SORCS2: variants seen among roughly 807,000 people sequenced by gnomAD.
The protein encoded by SORCS2 is sortilin related VPS10 domain containing receptor 2.
SORCS2 carries 100 observed loss-of-function variants against 141.6 expected under a neutral mutation model. That is an observed-to-expected ratio of 0.71 (90% CI 0.60 to 0.83). The LOEUF (loss-of-function observed/expected upper bound fraction) is 0.83, where lower values mean the gene tolerates loss of function less well. SORCS2 is among the 40% of genes least tolerant of loss of function. SORCS2 has a pLI of 0.00. For synonymous variants in SORCS2, 789 were observed against 676.9 expected (o/e 1.17, Z -2.57); for missense variants, 1,646 against 1,560.2 (o/e 1.05, Z -0.93).
At chr4:7,711,544 G>A (rs1306887196) in intron 14 of SORCS2, among the ~76,000 whole-genome samples, 1 of 152,174 alleles carries the variant, frequency 6.6e-6, no homozygotes, top group African/African-American at 2.4e-5. Context: ...AGCAGGCTGG[G>A]CCCACCTTCT....
intron 8 of SORCS2, among the ~76,000 whole-genome samples, chr4:7,670,025 C>G (rs1372089832): frequency 6.6e-6 from 1 of 152,200 alleles, no homozygotes; most frequent in African/African-American, 2.4e-5. Flanking sequence ...TGTGTGCCCA[C>G]AGGTATTTCT....
chr4:7,708,340 G>C (rs898132298), intron 14 of SORCS2, among the ~76,000 whole-genome samples: 3 of 152,214 alleles, frequency 2.0e-5, no homozygotes, highest in Non-Finnish European at 4.4e-5. Context: ...GTGGGATTGA[G>C]GGGATGCTTG....
intron 2 of SORCS2, among the ~76,000 whole-genome samples, chr4:7,467,693 G>A (rs572089688): frequency 4.6e-5 from 7 of 152,308 alleles, no homozygotes; most frequent in African/African-American, 1.4e-4. Context: ...TCCCAGCTCT[G>A]GCCTCTGGGG....
chr4:7,646,226 C>T (rs112367727), intron 4 of SORCS2, among the ~76,000 whole-genome samples: 372 of 152,042 alleles, frequency 2.4e-3, no homozygotes, highest in Non-Finnish European at 4.7e-3. Flanking sequence ...ACAGCGCACA[C>T]GGGGCCGGCA....
chr4:7,375,829 A>G (rs1722604336), intron 1 of SORCS2, among the ~76,000 whole-genome samples: 2 of 152,176 alleles, frequency 1.3e-5, no homozygotes, highest in Non-Finnish European at 1.5e-5. Context: ...GTTTGTGTCG[A>G]GTGCAAGTGG....
chr4:7,709,870 GGT>G (rs923373083), intron 14 of SORCS2, among the ~76,000 whole-genome samples: 91 of 152,298 alleles, frequency 6.0e-4, no homozygotes, highest in African/African-American at 1.8e-3. Context: ...TTGGGCGAGA[GGT>G]GGAGTGGAGG....
rs1055017286 is a variant in SORCS2 at position 7,504,142 on chromosome 4, G to A, written c.549-27388G>A. ...GGCCTCTGTCGCAGCTCACAGCTGC[G>A]CTCTCAGAAGCTCCTTGCTCAGGGA... is the stretch of plus-strand genomic sequence containing the variant. On this transcript the variant is annotated intron_variant, in intron 2 of 26. Coordinates refer to ENST00000507866, the MANE Select transcript of SORCS2 (RefSeq NM_020777.3). 5.9e-5 allele frequency among the ~76,000 whole-genome samples: 9 copies of A among 152,316 alleles called. No homozygotes were observed. The South Asian group carries it at 8.3e-4, about 14-fold the overall frequency.
chr4:7,621,426 TGTGA>T (rs150982307), intron 3 of SORCS2, among the ~76,000 whole-genome samples: 5,814 of 144,884 alleles, frequency 0.04, 176 homozygotes, highest in East Asian at 0.12. Context: ...TGTGTGTGTG[TGTGA>T]GTGTGTGTCT....
At chr4:7,472,364 G>A (rs1730027476) in intron 2 of SORCS2, among the ~76,000 whole-genome samples, 2 of 152,202 alleles carry the variant, frequency 1.3e-5, no homozygotes, top group South Asian at 2.1e-4. Context: ...AAGGGCAGAG[G>A]AGCAGGGGTC....
chr4:7,655,048 A>G (rs1218447004), intron 5 of SORCS2, among the ~76,000 whole-genome samples: 1 of 152,176 alleles, frequency 6.6e-6, no homozygotes, highest in African/African-American at 2.4e-5. Flanking sequence ...GGTCTTAGGC[A>G]GCAGCATGGG....
intron 5 of SORCS2, among the ~76,000 whole-genome samples, chr4:7,654,915 G>T (rs1407207628): frequency 3.9e-5 from 6 of 152,166 alleles, no homozygotes; most frequent in Non-Finnish European, 8.8e-5. Context: ...TGCATCCTCA[G>T]GGGAGCCTCT....
At chr4:7,392,906 G>GTT (rs1560247156) in intron 1 of SORCS2, among the ~76,000 whole-genome samples, 1 of 149,888 alleles carries the variant, frequency 6.7e-6, no homozygotes, top group Admixed American at 6.6e-5. Flanking sequence ...GTCGGGGGGG[G>GTT]GGGGGTGCTG....
chr4:7,216,945 C>CATGGCGGTTCCT, intron 1 of SORCS2, among the ~76,000 whole-genome samples: 1 of 152,266 alleles, frequency 6.6e-6, no homozygotes, highest in Non-Finnish European at 1.5e-5. Flanking sequence ...GTCCGCACTG[C>CATGGCGGTTCCT]GTGGCGGTTC....
intron 23 of SORCS2, 97 bp from the exon 24 acceptor site, chr4:7,733,225 C>T: frequency 1.2e-6 from 1 of 814,354 alleles, no homozygotes; most frequent in South Asian, 2.5e-5. Flanking sequence ...ACGTGGAGAC[C>T]CCTCACTCCC....
At chr4:7,710,601 G>C (rs1471713390) in intron 14 of SORCS2, among the ~76,000 whole-genome samples, 1 of 152,348 alleles carries the variant, frequency 6.6e-6, no homozygotes, top group Non-Finnish European at 1.5e-5. Flanking sequence ...GAAGATCCCA[G>C]TGTGTTGAGT....
chr4:7,455,654 T>TCGTGTTGGGGTCAGGCTC (rs1560299419), intron 2 of SORCS2, among the ~76,000 whole-genome samples: 9 of 96,584 alleles, frequency 9.3e-5, no homozygotes, highest in Admixed American at 3.1e-4. Context: ...GGGTCAGGCT[T>TCGTGTTGGGGTCAGGCTC]CGTGTTGGGG....
chr4:7,465,710 C>T (rs1161362863), intron 2 of SORCS2, among the ~76,000 whole-genome samples: 1 of 152,260 alleles, frequency 6.6e-6, no homozygotes, highest in Non-Finnish European at 1.5e-5. Flanking sequence ...GACAATAAGG[C>T]TTCCCCGCTT....
intron 10 of SORCS2, among the ~76,000 whole-genome samples, chr4:7,688,209 A>T (rs1425486130): frequency 6.6e-6 from 1 of 152,194 alleles, no homozygotes; most frequent in East Asian, 1.9e-4. Context: ...TTAGTAGATG[A>T]TATGATACCG....
chr4:7,374,250 T>A (rs1722486721), intron 1 of SORCS2, among the ~76,000 whole-genome samples: 1 of 151,826 alleles, frequency 6.6e-6, no homozygotes, highest in Non-Finnish European at 1.5e-5. Flanking sequence ...ACCACTATAA[T>A]GACTAAGGTA....
Sources: allele counts gnomAD v4.1 joint callset (sites outside exome capture counted in the v4.1 genomes callset), GRCh38; gene constraint gnomAD v4.1.1; transcripts MANE v1.5; gene names NCBI Gene and HGNC (gene_info 2026-07-23, HGNC 2026-07-21).